Variants in PIK3R5 observed in about 807,000 individuals in gnomAD.
PIK3R5 encodes the protein phosphoinositide-3-kinase regulatory subunit 5, also known as phosphoinositide 3-kinase regulatory subunit 5.
Under a neutral mutation model 94.9 loss-of-function variants are expected in PIK3R5, and 32 were observed. The observed-to-expected ratio is 0.34, with a 90% confidence interval of 0.25 to 0.45. The LOEUF (loss-of-function observed/expected upper bound fraction) is 0.45, where lower values mean the gene tolerates loss of function less well. PIK3R5 is among the 20% of genes least tolerant of loss of function. The pLI, the probability that PIK3R5 is intolerant of heterozygous loss-of-function variation, is 1.00. For missense variants in PIK3R5, 853 were observed against 1,144.6 expected, an observed-to-expected ratio of 0.75 and a Z score of 3.68; for synonymous variants, 443 against 479.4, an observed-to-expected ratio of 0.92 and a Z score of 0.99.
chr17:8,892,463 G>A lies in PIK3R5; in HGVS notation c.482+1123C>T, dbSNP rs563471277. 1.1e-4 allele frequency among the ~76,000 whole-genome samples: 17 copies of A among 152,000 alleles called. No homozygotes were observed. Among genetic ancestry groups the A allele is most frequent in the African/African-American group, 4.1e-4 (17 of 41,450 alleles). On this transcript the variant is annotated intron_variant, in intron 6 of 18. Coordinates refer to ENST00000447110, the MANE Select transcript of PIK3R5 (RefSeq NM_001142633.3). This position sits in a 1 kb window ranked among gnomAD's most constrained non-coding sequence, Gnocchi z 4.3. ...TGTAAGCTCTTTCTACAAATCTCTC[G>A]GTGCCTCACTTCCCTTATGTGAAAA...
At chr17:8,944,238 T>G (rs923397779) in intron 1 of PIK3R5, among the ~76,000 whole-genome samples, 1 of 152,202 alleles carries the variant, frequency 6.6e-6, no homozygotes, top group Non-Finnish European at 1.5e-5. Context: ...TCCATCCACA[T>G]TTCTGCAAAA....
chr17:8,895,449 C>T (rs1336073363), intron 5 of PIK3R5, among the ~76,000 whole-genome samples: 3 of 152,188 alleles, frequency 2.0e-5, no homozygotes, highest in Non-Finnish European at 4.4e-5. Context: ...TCTTCCAACA[C>T]GCCCAGCCAT....
rs2089867066 is a variant in PIK3R5, at chr17:8,886,681, G to C, written c.1906-76C>G. 3 of 1,477,348 alleles carry C rather than the reference G, an allele frequency of 2.0e-6. No individual in the cohort carries two copies. In the Admixed American group the frequency reaches 6.7e-5, roughly 33 times the overall value. The allele number at this position is 1,477,348 out of a possible 1,614,324, so 91.5% of individuals were successfully genotyped here. ...GGTAAGAAGGAGCAAGAATTAGGGA[G>C]GAAGAGAGAAGAGAGACATAGAGGC... On this transcript the variant is annotated intron_variant, in intron 12 of 18. Coordinates refer to ENST00000447110, the MANE Select transcript of PIK3R5 (RefSeq NM_001142633.3).
rs1175653245 is a variant in PIK3R5 at position 8,890,949 on chromosome 17, T to C, written c.483-37A>G. 1 of 1,595,774 alleles carries C rather than the reference T, an allele frequency of 6.3e-7. No homozygotes were observed. Among genetic ancestry groups the C allele is most frequent in the Non-Finnish European group, 8.5e-7 (1 of 1,172,120 alleles). On this transcript the variant is annotated intron_variant, in intron 6 of 18. Coordinates refer to ENST00000447110, the MANE Select transcript of PIK3R5 (RefSeq NM_001142633.3). The surrounding 1 kb of genome is among the most constrained non-coding windows in gnomAD (Gnocchi z 6.1). ...GGGGACCGGCTATGGCACCCAGGGG[T>C]GCGCAGCATGCCACAGTGCAGCCAC... is the stretch of plus-strand genomic sequence containing the variant.
Position 8,888,037 on chromosome 17 carries a change from AT to A in PIK3R5, c.1616+133del, listed in dbSNP as rs2089918957. 4.1e-6 allele frequency: 1 copy of A among 242,132 alleles called. No individual in the cohort carries two copies. Among genetic ancestry groups the A allele is most frequent in the East Asian group, 9.5e-5 (1 of 10,572 alleles). 15.0% of individuals were successfully genotyped at this position (242,132 alleles called of 1,614,324 possible). ...AATAATAATAATAATAATAATAATA[AT>A]AATAATAATAAAATAAAAATAAATA... On this transcript the variant is annotated intron_variant, in intron 10 of 18. Transcript: ENST00000447110. The surrounding 1 kb of genome is among the most constrained non-coding windows in gnomAD (Gnocchi z 7.8).
At chr17:8,897,341 G>A (rs752719946) in intron 5 of PIK3R5, among the ~76,000 whole-genome samples, 10 of 152,194 alleles carry the variant, frequency 6.6e-5, no homozygotes, top group Non-Finnish European at 1.0e-4. Context: ...CACTGGGCAG[G>A]CCTTCATGCA....
In PIK3R5 at chr17:8,955,378, C is replaced by T. The variant is rs894850995; in HGVS notation, c.-14+10218G>A. Among the ~76,000 whole-genome samples the T allele has an allele frequency of 2.0e-5, 3 of 152,186 alleles. No homozygotes were observed. Among genetic ancestry groups the T allele is most frequent in the Admixed American group, 1.3e-4 (2 of 15,288 alleles). ...CTCATTGGGAAGGGGATGAGTGAGG[C>T]AAGAACACACGTTAGGTCTTGGGAA... On this transcript the variant is annotated intron_variant, in intron 1 of 18. Coordinates refer to ENST00000447110, the MANE Select transcript of PIK3R5 (RefSeq NM_001142633.3). This position sits in a 1 kb window ranked among gnomAD's most constrained non-coding sequence, Gnocchi z 4.4.
intron 1 of PIK3R5, among the ~76,000 whole-genome samples, chr17:8,947,441 C>A (rs1353883982): frequency 6.6e-6 from 1 of 152,144 alleles, no homozygotes; most frequent in African/African-American, 2.4e-5. Flanking sequence ...TAGACATAGT[C>A]AGACGCGAGT....
intron 1 of PIK3R5, among the ~76,000 whole-genome samples, chr17:8,962,967 G>A (rs1019917112): frequency 6.6e-6 from 1 of 152,056 alleles, no homozygotes; most frequent in East Asian, 1.9e-4. Flanking sequence ...TCTTCCAGGA[G>A]CTTTCTCTGT....
intron 1 of PIK3R5, among the ~76,000 whole-genome samples, chr17:8,952,216 A>C (rs757766734): frequency 3.3e-5 from 5 of 152,252 alleles, no homozygotes; most frequent in Non-Finnish European, 1.5e-5. Context: ...TATCTTGTTT[A>C]AGCCACTATT....
chr17:8,905,571 C>T, intron 4 of PIK3R5, 98 bp downstream of exon 4: 1 of 803,478 alleles, frequency 1.2e-6, no homozygotes, highest in East Asian at 3.2e-5. Context: ...CAGTTTCTCT[C>T]TCTGCTTATC....
At chr17:8,949,886 C>A (rs1218836008) in intron 1 of PIK3R5, among the ~76,000 whole-genome samples, 2 of 152,058 alleles carry the variant, frequency 1.3e-5, no homozygotes, top group South Asian at 2.1e-4. Context: ...ACCTGTTCCC[C>A]AAAAATCTAT....
chr17:8,887,297 C>A, intron 11 of PIK3R5, 76 bp from the exon 12 acceptor site: 1 of 1,563,970 alleles, frequency 6.4e-7, no homozygotes, highest in Non-Finnish European at 8.7e-7. Context: ...CCTTGGATGG[C>A]ACCTGCAGCC....
At chr17:8,937,524 T>C (rs2091096761) in intron 1 of PIK3R5, among the ~76,000 whole-genome samples, 1 of 152,264 alleles carries the variant, frequency 6.6e-6, no homozygotes, top group African/African-American at 2.4e-5. Flanking sequence ...GTTGATGTAA[T>C]TAACTACGTT....
intron 1 of PIK3R5, among the ~76,000 whole-genome samples, chr17:8,938,568 C>T (rs1173033000): frequency 6.6e-6 from 1 of 152,180 alleles, no homozygotes; most frequent in Non-Finnish European, 1.5e-5. Flanking sequence ...GGCAACCAGT[C>T]ATCTACTTTT....
Position 8,880,543 on chromosome 17 carries a change from C to A in PIK3R5, c.*96G>T. The A allele has an allele frequency of 1.6e-6, 2 of 1,259,754 alleles. No homozygotes were observed. Among genetic ancestry groups the A allele is most frequent in the Admixed American group, 2.8e-5 (1 of 36,036 alleles). The allele number at this position is 1,259,754 out of a possible 1,614,324, so 78.0% of individuals were successfully genotyped here. On this transcript the variant is annotated 3_prime_UTR_variant, in exon 19 of 19. Transcript: ENST00000447110. ...CCCACAGTGGGACTATGGCTCTGCA[C>A]AGGGCCATTCAGTTCTCCACAGAGA...
At chr17:8,959,797 T>A (rs1387401690) in intron 1 of PIK3R5, among the ~76,000 whole-genome samples, 4 of 152,142 alleles carry the variant, frequency 2.6e-5, no homozygotes, top group Non-Finnish European at 5.9e-5. Context: ...ACTTCCTAGA[T>A]GAGACAGACA....
At position 8,935,312 on chromosome 17, in the gene PIK3R5, G is replaced by C. The variant is rs139850062; in HGVS notation, c.-13-23805C>G. ...ACATGAGTGTGCAAACGAAAGCCCC[G>C]CCCAAATATAGGCCCATGATGTTAT... is the stretch of plus-strand genomic sequence containing the variant. On this transcript the variant is annotated intron_variant, in intron 1 of 18. Transcript: ENST00000447110. This position sits in a 1 kb window ranked among gnomAD's most constrained non-coding sequence, Gnocchi z 4.5. Among the ~76,000 whole-genome samples, 12 of 152,280 alleles carry C rather than the reference G, an allele frequency of 7.9e-5. No individual in the cohort carries two copies. The East Asian group carries it at 2.3e-3, about 29-fold the overall frequency.
In PIK3R5 at chr17:8,952,176, A is replaced by G. The variant is rs1010637867; in HGVS notation, c.-14+13420T>C. On this transcript the variant is annotated intron_variant, in intron 1 of 18. Transcript: ENST00000447110. Reference sequence around the variant, plus strand: ...TGTGAAGTCTGGATCACTTATGCCCAGCTTGCTACCTGAGACAGAAATAAA... The same window carrying G: ...TGTGAAGTCTGGATCACTTATGCCCGGCTTGCTACCTGAGACAGAAATAAA... Among the ~76,000 whole-genome samples, 4 of 152,256 alleles carry G rather than the reference A, an allele frequency of 2.6e-5. No homozygotes were observed. In the East Asian group the frequency reaches 5.8e-4, roughly 22 times the overall value.
Sources: allele counts gnomAD v4.1 joint callset (sites outside exome capture counted in the v4.1 genomes callset), GRCh38; gene constraint gnomAD v4.1.1; non-coding constraint Gnocchi (gnomAD v3.1); transcripts MANE v1.5; gene names NCBI Gene and HGNC (gene_info 2026-07-23, HGNC 2026-07-21).